The following IRAK3 variants were observed in gnomAD, a reference collection of about 807,000 sequenced individuals.
IRAK3 encodes interleukin 1 receptor associated kinase 3, also known as interleukin-1 receptor-associated kinase 3.
IRAK3 carries 57 observed loss-of-function variants against 56.6 expected under a neutral mutation model. The ratio of observed to expected loss-of-function variants is 1.01; its 90% confidence interval spans 0.81 to 1.26. IRAK3 has a LOEUF of 1.26. Ranked by LOEUF, IRAK3 falls within the 50% of genes most tolerant of loss-of-function variation. The pLI, the probability that IRAK3 is intolerant of heterozygous loss-of-function variation, is 0.00. For missense variants in IRAK3, 703 were observed against 719.0 expected, an observed-to-expected ratio of 0.98 and a Z score of 0.25; for synonymous variants, 258 against 255.7, an observed-to-expected ratio of 1.01 and a Z score of -0.09.
rs11465953 is a variant in IRAK3, at chr12:66,206,383, C to A, written c.316+2490C>A. ...AACTGTCGGTTTTTTGTAGATGGCCCTTATCATATTGAGGACATTTTCTTC... is the reference window on the plus strand; with the variant it reads ...AACTGTCGGTTTTTTGTAGATGGCCATTATCATATTGAGGACATTTTCTTC... On this transcript the variant is annotated intron_variant, in intron 2 of 11. Transcript: ENST00000261233. Among the ~76,000 whole-genome samples the A allele has an allele frequency of 4.6e-3, 706 of 152,224 alleles. 2 individuals carry two copies. Among genetic ancestry groups the A allele is most frequent in the South Asian group, 8.5e-3 (41 of 4,820 alleles).
intron 8 of IRAK3, among the ~76,000 whole-genome samples, chr12:66,240,571 A>G (rs1170967445): frequency 6.6e-6 from 1 of 152,066 alleles, no homozygotes; most frequent in Non-Finnish European, 1.5e-5. Context: ...TCATCTGGTT[A>G]GGGGAGGCAG....
At chr12:66,233,961 C>T in intron 8 of IRAK3, 1 of 1,244,702 alleles carries the variant, frequency 8.0e-7, no homozygotes, top group Non-Finnish European at 1.1e-6. Context: ...TTTTCAAGAA[C>T]TTGTGCAAAA....
rs1280841489 is a variant in IRAK3, at chr12:66,211,458, A to G, written c.449A>G (p.Lys150Arg). 1 of 1,599,076 alleles carries G rather than the reference A, an allele frequency of 6.3e-7. No homozygotes were observed. The highest frequency in any genetic ancestry group is 8.6e-7 in the Non-Finnish European group (1 of 1,166,224). The change falls in exon 5 of 12, where the codon AAA (lysine) becomes AGA (arginine). Residue 150 changes from lysine (K) to arginine (R), a missense_variant. Physicochemically the swap from Lys to Arg is conservative, Grantham distance 26. Coordinates refer to ENST00000261233, the MANE Select transcript of IRAK3 (RefSeq NM_007199.3). ...TTTCCTTCCTAAGGAATACTGCTTAAATCTTCCATCAGCTTTCAAAATATC... is the reference window on the plus strand; with the variant it reads ...TTTCCTTCCTAAGGAATACTGCTTAGATCTTCCATCAGCTTTCAAAATATC... ...PEHNEKGILL[K>R]SSISFQNIIE...
intron 1 of IRAK3, among the ~76,000 whole-genome samples, chr12:66,194,696 G>T (rs1202807000): frequency 6.6e-6 from 1 of 151,988 alleles, no homozygotes; most frequent in Non-Finnish European, 1.5e-5. Flanking sequence ...GGGCGTGGTG[G>T]CAGGTGCCTG....
intron 8 of IRAK3, among the ~76,000 whole-genome samples, chr12:66,241,241 C>T (rs2052966442): frequency 6.6e-6 from 1 of 152,106 alleles, no homozygotes; most frequent in Non-Finnish European, 1.5e-5. Context: ...GATGGCCTCT[C>T]TGTTAAGGTA....
chr12:66,189,556 C>T, intron 1 of IRAK3, 124 bp downstream of exon 1: 1 of 575,930 alleles, frequency 1.7e-6, no homozygotes, highest in Non-Finnish European at 2.3e-6. Flanking sequence ...AAGTTCCCGC[C>T]AGGGAGCCGG....
chr12:66,227,383 G>A (rs2052797589), intron 7 of IRAK3, among the ~76,000 whole-genome samples: 1 of 152,052 alleles, frequency 6.6e-6, no homozygotes, highest in Non-Finnish European at 1.5e-5. Flanking sequence ...ACAAGGTCAG[G>A]AGTTCAGGAC....
At chr12:66,220,441 C>A (rs940425178) in intron 6 of IRAK3, among the ~76,000 whole-genome samples, 3 of 145,752 alleles carry the variant, frequency 2.1e-5, no homozygotes, top group Non-Finnish European at 3.0e-5. Flanking sequence ...CGGTGCCATA[C>A]TGTTTTTATT....
At chr12:66,232,063 C>T (rs1000341406) in intron 8 of IRAK3, among the ~76,000 whole-genome samples, 19 of 152,168 alleles carry the variant, frequency 1.2e-4, no homozygotes, top group African/African-American at 4.3e-4. Flanking sequence ...GAATGCCCAA[C>T]AGGTAACAAA....
intron 5 of IRAK3, 57 bp downstream of exon 5, chr12:66,211,654 T>C: frequency 7.2e-7 from 1 of 1,394,756 alleles, no homozygotes; most frequent in Non-Finnish European, 1.0e-6. Flanking sequence ...TCATCTTTCA[T>C]ATTAAAATAT....
At chr12:66,235,668 A>G (rs2052900593) in intron 8 of IRAK3, among the ~76,000 whole-genome samples, 1 of 152,242 alleles carries the variant, frequency 6.6e-6, no homozygotes, top group Non-Finnish European at 1.5e-5. Context: ...ATAGCATGGA[A>G]CAATGTATAT....
At chr12:66,207,730 A>G (rs1444001213) in intron 2 of IRAK3, among the ~76,000 whole-genome samples, 1 of 151,860 alleles carries the variant, frequency 6.6e-6, no homozygotes, top group Non-Finnish European at 1.5e-5. Flanking sequence ...TTTCATTTTC[A>G]TTCATCTCAA....
intron 8 of IRAK3, among the ~76,000 whole-genome samples, chr12:66,235,847 T>A (rs903782537): frequency 1.3e-5 from 2 of 152,224 alleles, no homozygotes; most frequent in Non-Finnish European, 2.9e-5. Flanking sequence ...TTCAATGGCT[T>A]ATTTTTTTAC....
intron 6 of IRAK3, 42 bp from the exon 7 acceptor site, chr12:66,226,681 G>A: frequency 8.6e-7 from 1 of 1,161,626 alleles, no homozygotes; most frequent in Non-Finnish European, 1.3e-6. Flanking sequence ...TTTCCTGTCT[G>A]AATAAGCAAT....
At chr12:66,218,969 AG>A (rs1362252041) in intron 6 of IRAK3, among the ~76,000 whole-genome samples, 3 of 152,130 alleles carry the variant, frequency 2.0e-5, no homozygotes, top group African/African-American at 7.2e-5. Context: ...AATGTCTTCC[AG>A]GTTCATCCAT....
chr12:66,223,116 T>C (rs1345013125), intron 6 of IRAK3, among the ~76,000 whole-genome samples: 1 of 152,044 alleles, frequency 6.6e-6, no homozygotes, highest in Non-Finnish European at 1.5e-5. Context: ...GGTAATGTCA[T>C]CAGTTAAGGC....
intron 1 of IRAK3, among the ~76,000 whole-genome samples, chr12:66,193,185 G>T (rs1379706321): frequency 6.6e-6 from 1 of 151,502 alleles, no homozygotes; most frequent in Non-Finnish European, 1.5e-5. Flanking sequence ...ATTTTTTTTT[G>T]TATTTTTAGT....
At chr12:66,235,653 A>G (rs1355104646) in intron 8 of IRAK3, among the ~76,000 whole-genome samples, 1 of 152,206 alleles carries the variant, frequency 6.6e-6, no homozygotes, top group Non-Finnish European at 1.5e-5. Context: ...TTTAAATAGT[A>G]TGAAATAGCA....
rs2053104144 is a variant in IRAK3, at chr12:66,251,962, T to C, written c.*3791T>C. ...AGATTACTATGCATTTTTGAGAGGA[T>C]GAAGAAGGCTTCTTGGAGAAGGTTT... On this transcript the variant is annotated 3_prime_UTR_variant, in exon 12 of 12. Transcript: ENST00000261233. 6.6e-6 allele frequency: 1 copy of C among 152,174 alleles called. No homozygotes were observed. Among genetic ancestry groups the C allele is most frequent in the East Asian group, 1.9e-4 (1 of 5,196 alleles). 9.4% of individuals were successfully genotyped at this position (152,174 alleles called of 1,614,324 possible).
Sources: allele counts gnomAD v4.1 joint callset (sites outside exome capture counted in the v4.1 genomes callset), GRCh38; gene constraint gnomAD v4.1.1; transcripts MANE v1.5; gene names NCBI Gene and HGNC (gene_info 2026-07-23, HGNC 2026-07-21).